The following LCP2 variants were observed in gnomAD, a reference collection of about 807,000 sequenced individuals.
LCP2 encodes the protein lymphocyte cytosolic protein 2, also known as 76 kDa tyrosine phosphoprotein.
Under a neutral mutation model 74.5 loss-of-function variants are expected in LCP2, and 29 were observed. That is an observed-to-expected ratio of 0.39 (90% CI 0.29 to 0.53). The LOEUF (loss-of-function observed/expected upper bound fraction) is 0.53. Among genes scored for constraint, LCP2 ranks in the 20% least tolerant of loss-of-function variants. LCP2 has a pLI of 0.72. For synonymous variants in LCP2, 228 were observed against 229.5 expected (o/e 0.99, Z 0.06); for missense variants, 604 against 634.6 (o/e 0.95, Z 0.52).
chr5:170,267,747 T>C (rs1381921186), intron 8 of LCP2, among the ~76,000 whole-genome samples: 1 of 152,180 alleles, frequency 6.6e-6, no homozygotes, highest in Admixed American at 6.5e-5. Flanking sequence ...CCCCAACGCC[T>C]AGAACTCTGC....
rs745712505 is a variant in LCP2 at position 170,293,376 on chromosome 5, C to T, written c.79-4G>A. The T allele has an allele frequency of 1.9e-6, 3 of 1,590,318 alleles. No individual in the cohort carries two copies. The highest frequency in any genetic ancestry group is 2.3e-5 in the South Asian group (2 of 87,136). On this transcript the variant is annotated splice_region_variant and splice_polypyrimidine_tract_variant and intron_variant, in intron 1 of 20. Transcript: ENST00000046794. ...TCTCACAGTCCTTATAGTTGAGCTG[C>T]AAAGAGAAGGGGAAGGTGTTGTTAG...
intron 18 of LCP2, 157 bp from the exon 19 acceptor site, chr5:170,252,668 G>A (rs1761472025): frequency 1.8e-6 from 1 of 570,180 alleles, no homozygotes; most frequent in South Asian, 2.1e-5. Context: ...TCATTTAGCT[G>A]GGGCTAAATA....
chr5:170,289,724 T>G (rs1455427607), intron 2 of LCP2, among the ~76,000 whole-genome samples: 1 of 146,488 alleles, frequency 6.8e-6, no homozygotes, highest in Non-Finnish European at 1.5e-5. Context: ...TTTCCTTTCC[T>G]TTCCTTTCCT....
chr5:170,265,958 A>G (rs1761746833), intron 10 of LCP2, among the ~76,000 whole-genome samples: 1 of 152,178 alleles, frequency 6.6e-6, no homozygotes, highest in African/African-American at 2.4e-5. Flanking sequence ...AGTCAGAAAG[A>G]CAAGTGTTCG....
chr5:170,281,041 G>C (rs547498043), intron 3 of LCP2, among the ~76,000 whole-genome samples: 21 of 152,164 alleles, frequency 1.4e-4, no homozygotes, highest in Non-Finnish European at 2.8e-4. Flanking sequence ...GCAAGGCTCT[G>C]AGGGAGGCAT....
intron 10 of LCP2, 113 bp from the exon 11 acceptor site, chr5:170,263,105 T>G: frequency 8.0e-7 from 1 of 1,253,158 alleles, no homozygotes; most frequent in Non-Finnish European, 1.1e-6. Context: ...GTTGATGGGG[T>G]TTAAGCATTA....
At chr5:170,252,156 T>C (rs1761458847) in intron 19 of LCP2, 1 of 259,524 alleles carries the variant, frequency 3.9e-6, no homozygotes, top group African/African-American at 2.2e-5. Context: ...GTGATTCCTA[T>C]GACAAGACAG....
intron 20 of LCP2, 31 bp downstream of exon 20, chr5:170,250,697 CTT>C: frequency 1.2e-5 from 19 of 1,592,430 alleles, no homozygotes; most frequent in Non-Finnish European, 1.6e-5. Flanking sequence ...TAAATAAAGA[CTT>C]TGGGAAAATG....
chr5:170,294,709 A>G (rs1762343401), intron 1 of LCP2, among the ~76,000 whole-genome samples: 1 of 152,256 alleles, frequency 6.6e-6, no homozygotes, highest in African/African-American at 2.4e-5. Flanking sequence ...TGATATTGAA[A>G]GCACATCCCA....
intron 2 of LCP2, among the ~76,000 whole-genome samples, chr5:170,291,005 AAAGAAAGAG>A: frequency 6.7e-6 from 1 of 149,932 alleles, no homozygotes; most frequent in African/African-American, 2.5e-5. Context: ...AGAAAGAGAG[AAAGAAAGAG>A]AGAAAGAAAG....
rs79723213 is a variant in LCP2, at chr5:170,282,740, G to A, written c.188+5230C>T. On this transcript the variant is annotated intron_variant, in intron 3 of 20. Transcript: ENST00000046794. Reference sequence around the variant, plus strand: ...TCTGAGGTAGGTTCTATCATTATTAGCATTATACAGATAAGGAAGCTGAGG... The same window carrying A: ...TCTGAGGTAGGTTCTATCATTATTAACATTATACAGATAAGGAAGCTGAGG... Among the ~76,000 whole-genome samples, 1,314 of 152,146 alleles carry A rather than the reference G, an allele frequency of 8.6e-3. 20 individuals carry two copies. The highest frequency in any genetic ancestry group is 0.03 in the African/African-American group (1,262 of 41,490).
At chr5:170,274,433 C>A in intron 5 of LCP2, 95 bp from the exon 6 acceptor site, 1 of 1,281,140 alleles carries the variant, frequency 7.8e-7, no homozygotes. Context: ...CTTCCCTCAC[C>A]AATGCCCCTT....
intron 7 of LCP2, among the ~76,000 whole-genome samples, chr5:170,269,979 G>T (rs961714764): frequency 2.0e-5 from 3 of 152,210 alleles, no homozygotes; most frequent in Non-Finnish European, 4.4e-5. Flanking sequence ...CCGCATAAAG[G>T]ATTAAATGGT....
intron 3 of LCP2, chr5:170,287,712 G>T: frequency 1.9e-6 from 1 of 538,130 alleles, no homozygotes; most frequent in South Asian, 2.2e-5. Context: ...GAGAAGAGAG[G>T]AAATGAAAAC....
At chr5:170,286,768 T>G (rs1362985175) in intron 3 of LCP2, among the ~76,000 whole-genome samples, 1 of 152,216 alleles carries the variant, frequency 6.6e-6, no homozygotes, top group Non-Finnish European at 1.5e-5. Flanking sequence ...TTCTCCTTAA[T>G]TGAGCTGCCA....
chr5:170,261,166 A>G (rs1426347635), intron 13 of LCP2, 29 bp from the exon 14 acceptor site: 2 of 1,566,692 alleles, frequency 1.3e-6, no homozygotes, highest in Non-Finnish European at 1.8e-6. Context: ...AATAAAAAGA[A>G]CTGAGCATGA....
chr5:170,275,740 A>G, intron 4 of LCP2, 55 bp downstream of exon 4: 1 of 1,412,812 alleles, frequency 7.1e-7, no homozygotes, highest in Admixed American at 1.9e-5. Flanking sequence ...CCTCCCTTTT[A>G]AGGTTCAACT....
chr5:170,272,759 C>T (rs1343089424), intron 6 of LCP2, among the ~76,000 whole-genome samples: 2 of 151,152 alleles, frequency 1.3e-5, no homozygotes, highest in East Asian at 1.9e-4. Context: ...ACTACAGGCA[C>T]GCACCACCAC....
chr5:170,258,243 C>G, intron 15 of LCP2, 77 bp from the exon 16 acceptor site: 1 of 1,450,908 alleles, frequency 6.9e-7, no homozygotes, highest in Non-Finnish European at 9.6e-7. Flanking sequence ...AACCGCCCCC[C>G]AGTTAGAAAC....
Sources: gnomAD v4.1 joint callset for allele counts (sites outside exome capture counted in the v4.1 genomes callset) on GRCh38, gnomAD v4.1.1 for gene constraint, MANE v1.5 for transcripts, NCBI Gene and HGNC (gene_info 2026-07-23, HGNC 2026-07-21) for gene names.